Variants in UPP2 observed in about 807,000 individuals in gnomAD.
UPP2 encodes UPase 2.
A neutral mutation model predicts 26.7 loss-of-function variants in UPP2; 23 were observed. The ratio of observed to expected loss-of-function variants is 0.86; its 90% CI spans 0.62 to 1.22. The LOEUF (loss-of-function observed/expected upper bound fraction) is 1.22, where lower values mean the gene tolerates loss of function less well. UPP2 is among the 50% of genes most tolerant of loss of function. The pLI is 0.00. For missense variants in UPP2, 387 were observed against 396.7 expected (o/e 0.98, Z 0.21); for synonymous variants, 127 against 141.3 (o/e 0.90, Z 0.72).
chr2:158,108,034 T>C (rs748206802), intron 2 of UPP2, among the ~76,000 whole-genome samples: 4 of 152,218 alleles, frequency 2.6e-5, no homozygotes, highest in Non-Finnish European at 5.9e-5. Flanking sequence ...AGGACCCTTG[T>C]CTAGGGATGA....
chr2:158,023,781 T>C (rs1683792966), intron 3 of UPP2, among the ~76,000 whole-genome samples: 1 of 152,250 alleles, frequency 6.6e-6, no homozygotes, highest in African/African-American at 2.4e-5. Context: ...TGGTGGCCCA[T>C]GGCTTCTTGT....
intron 3 of UPP2, among the ~76,000 whole-genome samples, chr2:158,039,295 T>C (rs1317610350): frequency 6.6e-6 from 1 of 152,210 alleles, no homozygotes; most frequent in Non-Finnish European, 1.5e-5. Context: ...GTGCAACCAC[T>C]GGCACTAGCA....
At chr2:158,026,696 A>G (rs1379901281) in intron 3 of UPP2, among the ~76,000 whole-genome samples, 4 of 152,226 alleles carry the variant, frequency 2.6e-5, no homozygotes, top group African/African-American at 9.6e-5. Context: ...TGAGATGACC[A>G]GGTCATGTTT....
At chr2:158,063,086 A>T (rs1176372615) in intron 3 of UPP2, among the ~76,000 whole-genome samples, 1 of 152,202 alleles carries the variant, frequency 6.6e-6, no homozygotes, top group Non-Finnish European at 1.5e-5. Flanking sequence ...GAATACTTGC[A>T]ATATAAGTGT....
rs915542188 is a variant in UPP2 at position 158,135,481 on chromosome 2, T to C, written c.*591T>C. The stretch of plus-strand genomic sequence containing the variant: ...CTGTTTGTGATTTTATCTCAGAATA[T>C]AACAACTCTGGATTACATTTTCCTC... On this transcript the variant is annotated 3_prime_UTR_variant, in exon 7 of 7. Transcript: ENST00000005756. 4 of 152,208 alleles carry C rather than the reference T, an allele frequency of 2.6e-5. No homozygotes were observed. The highest frequency in any genetic ancestry group is 4.8e-5 in the African/African-American group (2 of 41,462). The allele number at this position is 152,208 out of a possible 1,614,324, so 9.4% of individuals were successfully genotyped here. A position where few individuals can be genotyped will look rare whatever the true frequency, so the allele number is the denominator to read the frequency against.
At chr2:158,058,877 A>C (rs973545044) in intron 3 of UPP2, among the ~76,000 whole-genome samples, 1 of 152,170 alleles carries the variant, frequency 6.6e-6, no homozygotes, top group African/African-American at 2.4e-5. Context: ...GAGAGGGAGA[A>C]GAGAGTTGCA....
intron 3 of UPP2, among the ~76,000 whole-genome samples, chr2:158,048,003 AGTG>A (rs1682064451): frequency 1.3e-5 from 2 of 151,980 alleles, no homozygotes; most frequent in African/African-American, 4.8e-5. Context: ...CAGAGAGTTC[AGTG>A]AGGGTTAATG....
chr2:158,007,172 T>C (rs535418462), intron 2 of UPP2, among the ~76,000 whole-genome samples: 1 of 152,338 alleles, frequency 6.6e-6, no homozygotes, highest in Non-Finnish European at 1.5e-5. Context: ...GTGTGCTAAG[T>C]GCTTGATATG....
At chr2:158,120,911 C>G (rs1683551427) in intron 4 of UPP2, among the ~76,000 whole-genome samples, 1 of 151,918 alleles carries the variant, frequency 6.6e-6, no homozygotes. Context: ...GCAACTCAGA[C>G]TTTGTAGCCA....
Position 158,058,286 on chromosome 2 carries a change from C to T in UPP2, c.147+42400C>T, listed in dbSNP as rs1022708821. 9.9e-5 allele frequency among the ~76,000 whole-genome samples: 14 copies of T among 141,522 alleles called. No homozygotes were observed. In the South Asian group the frequency reaches 1.7e-3, roughly 17 times the overall value. The allele number at this position is 141,522 out of a possible 152,430, so 92.8% of individuals were successfully genotyped here. A position where few individuals can be genotyped will look rare whatever the true frequency, so the allele number is the denominator to read the frequency against. ...CCAGCCTGGGCGACAGAGCGAGACT[C>T]CGTCTCAAAAAAAAAAAAAAAAAAA... On this transcript the variant is annotated intron_variant, in intron 3 of 9. Coordinates refer to the UPP2 transcript ENST00000605860.
chr2:158,128,042 A>T, intron 6 of UPP2: 1 of 983,830 alleles, frequency 1.0e-6, no homozygotes, highest in Non-Finnish European at 1.2e-6. Flanking sequence ...TGTGGTAAGT[A>T]TGTTTAACTT....
chr2:158,037,103 G>C (rs186549495), intron 3 of UPP2, among the ~76,000 whole-genome samples: 4 of 152,134 alleles, frequency 2.6e-5, no homozygotes, highest in Non-Finnish European at 5.9e-5. Context: ...GGCTGGGTGT[G>C]GTGGCTCACA....
intron 3 of UPP2, among the ~76,000 whole-genome samples, chr2:158,075,101 A>G (rs1458448946): frequency 6.6e-6 from 1 of 152,134 alleles, no homozygotes; most frequent in Non-Finnish European, 1.5e-5. Flanking sequence ...TATGCACCCA[A>G]AATTGAAGTA....
chr2:158,001,957 CAAAAAA>C (rs200818827), intron 2 of UPP2, among the ~76,000 whole-genome samples: 7 of 65,486 alleles, frequency 1.1e-4, no homozygotes, highest in Non-Finnish European at 2.2e-4. Context: ...GAATGAGCAC[CAAAAAA>C]AAAAAAAAAA....
chr2:158,001,300 G>A lies in UPP2; in HGVS notation c.61+6041G>A, dbSNP rs545496052. ...TTAGCAGGTTATAGGGAAATCACAA[G>A]GAGTAGTGCAGTACCCTGGGCTAGT... On this transcript the variant is annotated intron_variant, in intron 2 of 9. Coordinates refer to the UPP2 transcript ENST00000605860. 7.2e-5 allele frequency among the ~76,000 whole-genome samples: 11 copies of A among 152,302 alleles called. No individual in the cohort carries two copies. The South Asian group carries it at 2.3e-3, about 32-fold the overall frequency.
At chr2:158,073,770 C>T (rs1348949902) in intron 3 of UPP2, among the ~76,000 whole-genome samples, 2 of 152,172 alleles carry the variant, frequency 1.3e-5, no homozygotes, top group Admixed American at 1.3e-4. Flanking sequence ...GAAATAAAGA[C>T]TTTCCTAGAC....
At chr2:158,086,348 T>G (rs1052338605) in intron 3 of UPP2, among the ~76,000 whole-genome samples, 3 of 152,104 alleles carry the variant, frequency 2.0e-5, no homozygotes, top group Non-Finnish European at 2.9e-5. Context: ...TCTCCCATTT[T>G]GTTTCTAATT....
chr2:158,013,425 A>G (rs992718506), intron 2 of UPP2, among the ~76,000 whole-genome samples: 8 of 152,218 alleles, frequency 5.3e-5, no homozygotes, highest in Non-Finnish European at 1.2e-4. Context: ...GGCTTTACCA[A>G]TGTTAGGGGT....
intron 1 of UPP2, among the ~76,000 whole-genome samples, chr2:158,103,394 G>A (rs573244129): frequency 4.5e-4 from 68 of 152,146 alleles, no homozygotes; most frequent in Non-Finnish European, 8.5e-4. Flanking sequence ...GGAAGTGTGT[G>A]TATAGATGAG....
Sources: allele counts gnomAD v4.1 joint callset (sites outside exome capture counted in the v4.1 genomes callset), GRCh38; gene constraint gnomAD v4.1.1; transcripts MANE v1.5; gene names NCBI Gene and HGNC (gene_info 2026-07-23, HGNC 2026-07-21).